Variants in RNF152 observed in about 807,000 individuals in gnomAD.
The protein encoded by RNF152 is E3 ubiquitin-protein ligase RNF152.
Under a neutral mutation model 12.7 loss-of-function variants are expected in RNF152, and 11 were observed. The ratio of observed to expected loss-of-function variants is 0.86; its 90% CI spans 0.54 to 1.43. RNF152 has a LOEUF of 1.43. Among genes scored for constraint, RNF152 ranks in the 40% most tolerant of loss-of-function variants. The pLI, the probability that RNF152 is intolerant of heterozygous loss-of-function variation, is 0.00. For missense variants in RNF152, 255 were observed against 274.8 expected (o/e 0.93, Z 0.51); for synonymous variants, 113 against 120.3 (o/e 0.94, Z 0.40).
Position 61,816,456 on chromosome 18 carries a change from G to A in RNF152, c.8C>T (p.Thr3Met), listed in dbSNP as rs777819674. Residue 3 changes from threonine to methionine, a missense_variant, in exon 2 of 2, where the codon ACG becomes ATG. Transcript: ENST00000312828. ME[T>M]LSQDSLLECQ... The stretch of plus-strand genomic sequence containing the variant: ...TTCCAGCAGAGAGTCCTGGGACAGC[G>A]TCTCCATGGTGGACCGTGAGCAGGA... 8.1e-6 allele frequency: 13 copies of A among 1,599,066 alleles called. No homozygotes were observed. The highest frequency in any genetic ancestry group is 3.4e-4 in the Middle Eastern group (2 of 5,962).
At chr18:61,880,054 CACATAACTATAT>C (rs1182578950) in intron 1 of RNF152, among the ~76,000 whole-genome samples, 20 of 152,188 alleles carry the variant, frequency 1.3e-4, no homozygotes, top group African/African-American at 4.8e-4. Context: ...CAGAATCTCT[CACATAACTATAT>C]ACACTGGTGT....
chr18:61,876,348 T>C (rs577924849), intron 1 of RNF152, among the ~76,000 whole-genome samples: 1 of 152,244 alleles, frequency 6.6e-6, no homozygotes, highest in South Asian at 2.1e-4. Context: ...AATAACCAAA[T>C]CAACATGCTA....
chr18:61,816,316 G>T lies in RNF152; in HGVS notation c.148C>A (p.Arg50=), dbSNP rs768728944. ...QQMRTSQKDV[R]CPWCRGVTKL... Reference sequence around the variant, plus strand: ...GTGACACCGCGGCACCAGGGGCACCGCACATCCTTCTGGCTGGTCCTCATC... The same window carrying T: ...GTGACACCGCGGCACCAGGGGCACCTCACATCCTTCTGGCTGGTCCTCATC... The change falls in exon 2 of 2, where the codon CGG becomes AGG. Residue 50 remains arginine, a synonymous_variant. Coordinates refer to ENST00000312828, the MANE Select transcript of RNF152 (RefSeq NM_173557.3). 1.2e-5 allele frequency: 19 copies of T among 1,614,102 alleles called. No individual in the cohort carries two copies. Among genetic ancestry groups the T allele is most frequent in the Non-Finnish European group, 1.5e-5 (18 of 1,180,056 alleles).
At chr18:61,831,131 G>A (rs1166491551) in intron 1 of RNF152, among the ~76,000 whole-genome samples, 1 of 152,166 alleles carries the variant, frequency 6.6e-6, no homozygotes, top group Non-Finnish European at 1.5e-5. Context: ...AACCTTAACA[G>A]CACTCAAATT....
rs112094129 is a variant in RNF152 at position 61,884,789 on chromosome 18, C to T, written c.-136+8006G>A. On this transcript the variant is annotated intron_variant, in intron 1 of 1. Transcript: ENST00000312828. The stretch of plus-strand genomic sequence containing the variant: ...GGCCAGGCTGGTCTTGAACTCCTGA[C>T]TTCAGGTGATCTGCCTGCCTCAGCC... 1.5e-3 allele frequency among the ~76,000 whole-genome samples: 230 copies of T among 152,292 alleles called. 2 individuals are homozygous for T. The highest frequency in any genetic ancestry group is 5.2e-3 in the African/African-American group (217 of 41,574).
chr18:61,817,254 G>A (rs1208677214), intron 1 of RNF152, among the ~76,000 whole-genome samples: 1 of 152,202 alleles, frequency 6.6e-6, no homozygotes, highest in African/African-American at 2.4e-5. Context: ...ACCAAAAGCA[G>A]CAGTGAAGCT....
intron 1 of RNF152, among the ~76,000 whole-genome samples, chr18:61,891,610 G>T (rs1035798606): frequency 1.3e-5 from 2 of 152,106 alleles, no homozygotes; most frequent in Non-Finnish European, 2.9e-5. Context: ...TCTTTGCAAA[G>T]CACTGGCCTT....
chr18:61,846,434 T>C (rs919645928), intron 1 of RNF152, among the ~76,000 whole-genome samples: 3 of 152,182 alleles, frequency 2.0e-5, no homozygotes, highest in Non-Finnish European at 4.4e-5. Flanking sequence ...ATTGAGCCTC[T>C]GTTCATGTTG....
At chr18:61,828,509 C>A (rs1026617106) in intron 1 of RNF152, among the ~76,000 whole-genome samples, 3 of 152,108 alleles carry the variant, frequency 2.0e-5, no homozygotes, top group Non-Finnish European at 4.4e-5. Flanking sequence ...ACTGCAGCCA[C>A]CAACTCATGG....
intron 1 of RNF152, among the ~76,000 whole-genome samples, chr18:61,867,281 T>A (rs2144729309): frequency 6.6e-6 from 1 of 152,124 alleles, no homozygotes; most frequent in Admixed American, 6.5e-5. Flanking sequence ...CGAGGCCCCA[T>A]CTCTACTAAA....
rs943485816 is a variant in RNF152, at chr18:61,816,616, T to C, written c.-135-18A>G. On this transcript the variant is annotated intron_variant, in intron 1 of 1. Coordinates refer to ENST00000312828, the MANE Select transcript of RNF152 (RefSeq NM_173557.3). Reference sequence around the variant, plus strand: ...GTTCATTTCTGAGAGAGACAAATAATGCAAACAATCTTAATTATTTCAAAG... The same window carrying C: ...GTTCATTTCTGAGAGAGACAAATAACGCAAACAATCTTAATTATTTCAAAG... The C allele has an allele frequency of 4.2e-6, 3 of 719,802 alleles. 1 individual carries two copies. The South Asian group carries it at 6.1e-5, about 15-fold the overall frequency. 44.6% of individuals were successfully genotyped at this position (719,802 alleles called of 1,614,324 possible). A position where few individuals can be genotyped will look rare whatever the true frequency, so the allele number is the denominator to read the frequency against.
At chr18:61,853,943 C>T (rs1911101882) in intron 1 of RNF152, among the ~76,000 whole-genome samples, 1 of 152,100 alleles carries the variant, frequency 6.6e-6, no homozygotes, top group African/African-American at 2.4e-5. Context: ...TGCCCATCCT[C>T]CCTGCCCACC....
Position 61,829,102 on chromosome 18 carries a change from A to C in RNF152, c.-135-12504T>G, listed in dbSNP as rs370212126. ...GGGACCAGAGCCTGGGACCTCCAGT[A>C]AGTCAAATACCCCTGCAATAGAGTT... On this transcript the variant is annotated intron_variant, in intron 1 of 1. Coordinates refer to ENST00000312828, the MANE Select transcript of RNF152 (RefSeq NM_173557.3). Among the ~76,000 whole-genome samples the C allele has an allele frequency of 2.3e-4, 35 of 152,254 alleles. No homozygotes were observed. In the East Asian group the frequency reaches 3.5e-3, roughly 15 times the overall value.
intron 1 of RNF152, among the ~76,000 whole-genome samples, chr18:61,850,263 T>C (rs1471417660): frequency 6.6e-6 from 1 of 152,218 alleles, no homozygotes; most frequent in Non-Finnish European, 1.5e-5. Context: ...TCATACAGTT[T>C]CTGGCTGATA....
intron 1 of RNF152, among the ~76,000 whole-genome samples, chr18:61,817,380 C>G (rs373347132): frequency 3.3e-5 from 5 of 152,162 alleles, no homozygotes; most frequent in African/African-American, 1.2e-4. Flanking sequence ...CAACTAAAAG[C>G]AAGTACGATT....
At chr18:61,852,826 A>G (rs1217990558) in intron 1 of RNF152, among the ~76,000 whole-genome samples, 2 of 152,150 alleles carry the variant, frequency 1.3e-5, no homozygotes, top group African/African-American at 4.8e-5. Flanking sequence ...TGCTCCCCTA[A>G]AAAGTGCCTC....
intron 1 of RNF152, among the ~76,000 whole-genome samples, chr18:61,878,854 TG>T (rs767299044): frequency 5.3e-5 from 8 of 152,330 alleles, no homozygotes; most frequent in Non-Finnish European, 7.3e-5. Context: ...ACCATCATCT[TG>T]GGGTTTAAAT....
At chr18:61,837,105 A>G (rs1910222766) in intron 1 of RNF152, among the ~76,000 whole-genome samples, 1 of 152,218 alleles carries the variant, frequency 6.6e-6, no homozygotes, top group Admixed American at 6.5e-5. Context: ...AACATCCCTT[A>G]TGAAGTATCA....
intron 1 of RNF152, among the ~76,000 whole-genome samples, chr18:61,846,992 C>T (rs1033302215): frequency 7.2e-5 from 11 of 152,098 alleles, no homozygotes; most frequent in African/African-American, 2.7e-4. Context: ...ACAATCACAC[C>T]TCCATCAAAA....
Sources: allele counts gnomAD v4.1 joint callset (sites outside exome capture counted in the v4.1 genomes callset), GRCh38; gene constraint gnomAD v4.1.1; transcripts MANE v1.5; gene names NCBI Gene and HGNC (gene_info 2026-07-23, HGNC 2026-07-21).